The following RANBP2 variants were observed in gnomAD, a reference collection of about 807,000 sequenced individuals.
RANBP2 encodes E3 SUMO-protein ligase RanBP2.
Under a neutral mutation model 303.6 loss-of-function variants are expected in RANBP2, and 57 were observed. The observed-to-expected ratio is 0.19, with a 90% confidence interval of 0.15 to 0.23. RANBP2 has a LOEUF of 0.23. Among genes scored for constraint, RANBP2 ranks in the 10% least tolerant of loss-of-function variants. The probability of loss-of-function intolerance (pLI) is 1.00; values close to 1 mark genes in which losing one functional copy is unlikely to be tolerated. For missense variants in RANBP2, 3,138 were observed against 3,780.8 expected (o/e 0.83, Z 4.46); for synonymous variants, 1,167 against 1,301.5 (o/e 0.90, Z 2.23).
At chr2:108,760,567 A>T (rs1257267173) in intron 18 of RANBP2, among the ~76,000 whole-genome samples, 1 of 152,186 alleles carries the variant, frequency 6.6e-6, no homozygotes, top group East Asian at 1.9e-4. Context: ...CCATTTTCGC[A>T]CTTTGCTAAT....
the RANBP2 span, among the ~76,000 whole-genome samples, chr2:109,244,012 A>G: frequency 6.6e-6 from 1 of 152,224 alleles, no homozygotes; most frequent in Non-Finnish European, 1.5e-5. Context: ...AGTTTTTGCC[A>G]TCAGCAGTGA....
chr2:109,115,539 A>G, the RANBP2 span, among the ~76,000 whole-genome samples: 4 of 151,144 alleles, frequency 2.6e-5, no homozygotes, highest in Admixed American at 6.6e-5. Context: ...CACATGAGAT[A>G]GGTTTCCTGA....
the RANBP2 span, among the ~76,000 whole-genome samples, chr2:109,167,890 A>G: frequency 3.1e-4 from 47 of 152,220 alleles, no homozygotes; most frequent in Admixed American, 2.0e-3. Flanking sequence ...AATTCTCTCC[A>G]CTTGACCGTA....
chr2:109,644,180 GC>G, the RANBP2 span, among the ~76,000 whole-genome samples: 1 of 150,538 alleles, frequency 6.6e-6, no homozygotes, highest in Non-Finnish European at 1.5e-5. Flanking sequence ...GGTGGTGCAC[GC>G]CTGTAGTCCC....
chr2:109,097,298 A>G, the RANBP2 span, among the ~76,000 whole-genome samples: 2 of 146,540 alleles, frequency 1.4e-5, no homozygotes, highest in African/African-American at 5.0e-5. Flanking sequence ...GTGAGACTCC[A>G]TCTCAAAAAC....
the RANBP2 span, among the ~76,000 whole-genome samples, chr2:109,487,912 C>T: frequency 6.6e-6 from 1 of 152,212 alleles, no homozygotes; most frequent in Non-Finnish European, 1.5e-5. Flanking sequence ...AAAACAAACA[C>T]GACCCCTGTA....
the RANBP2 span, among the ~76,000 whole-genome samples, chr2:108,934,050 T>C: frequency 6.6e-6 from 1 of 152,170 alleles, no homozygotes; most frequent in Non-Finnish European, 1.5e-5. Flanking sequence ...CTTCCCTGAA[T>C]AACTGAGAAG....
chr2:109,666,001 C>G, the RANBP2 span, among the ~76,000 whole-genome samples: 1 of 151,934 alleles, frequency 6.6e-6, no homozygotes, highest in South Asian at 2.1e-4. Context: ...ATCCCAGCTA[C>G]TCAGGAGGCT....
intron 1 of RANBP2, among the ~76,000 whole-genome samples, chr2:108,728,159 C>T (rs1249418994): frequency 6.6e-6 from 1 of 152,180 alleles, no homozygotes; most frequent in Non-Finnish European, 1.5e-5. Flanking sequence ...GAATACCTTT[C>T]CTCCCCAAAG....
At chr2:109,613,607 G>T in the RANBP2 span, 41 of 316,276 alleles carry the variant, frequency 1.3e-4, 2 homozygotes, top group South Asian at 4.9e-3. Flanking sequence ...CCGCGCCCAG[G>T]CTCCGCAGAG....
intron 17 of RANBP2, among the ~76,000 whole-genome samples, chr2:108,756,953 C>G (rs1676364554): frequency 6.6e-6 from 1 of 152,148 alleles, no homozygotes; most frequent in Admixed American, 6.5e-5. Flanking sequence ...CTGGACTAGG[C>G]ACTGTAGATG....
chr2:109,357,202 G>T, the RANBP2 span, among the ~76,000 whole-genome samples: 1 of 149,948 alleles, frequency 6.7e-6, no homozygotes, highest in Non-Finnish European at 1.5e-5. Flanking sequence ...TTTTTTTTGA[G>T]ACGGAGTCTT....
chr2:108,771,714 A>G lies in RANBP2; in HGVS notation c.7863A>G (p.Lys2621=), dbSNP rs749384165. The G allele has an allele frequency of 1.7e-5, 28 of 1,613,068 alleles. No homozygotes were observed. In the East Asian group the frequency reaches 5.6e-4, roughly 32 times the overall value. The change falls in exon 21 of 29, where the codon AAA becomes AAG. Residue 2621 remains lysine, a synonymous_variant. Coordinates refer to ENST00000283195, the MANE Select transcript of RANBP2 (RefSeq NM_006267.5). ...FKTPEKAKEK[K]KPEDSPSDDD... is the part of the protein sequence containing the mutation. ...CTGGTGTTACAGCAAAAGAGAAGAA[A>G]AAACCTGAAGATTCTCCCTCAGATG...
At chr2:108,930,619 A>T in the RANBP2 span, among the ~76,000 whole-genome samples, 1 of 152,062 alleles carries the variant, frequency 6.6e-6, no homozygotes, top group African/African-American at 2.4e-5. Flanking sequence ...GTCCAGGAGG[A>T]TGGGGGTAGG....
At chr2:109,092,875 G>C in the RANBP2 span, among the ~76,000 whole-genome samples, 1 of 152,328 alleles carries the variant, frequency 6.6e-6, no homozygotes, top group East Asian at 1.9e-4. Context: ...TTCTGTAATG[G>C]AGAGAGGAGT....
chr2:109,708,729 C>A, the RANBP2 span, among the ~76,000 whole-genome samples: 1 of 152,194 alleles, frequency 6.6e-6, no homozygotes, highest in African/African-American at 2.4e-5. Context: ...GTGATCCCAG[C>A]ACCTTGGGAG....
At chr2:109,570,415 G>GCTCA in the RANBP2 span, among the ~76,000 whole-genome samples, 1 of 151,790 alleles carries the variant, frequency 6.6e-6, no homozygotes, top group African/African-American at 2.4e-5. Flanking sequence ...AACCAACTGA[G>GCTCA]GATCAAAAAT....
chr2:109,661,857 T>A, the RANBP2 span, among the ~76,000 whole-genome samples: 1 of 152,316 alleles, frequency 6.6e-6, no homozygotes, highest in Non-Finnish European at 1.5e-5. Context: ...GGTAATAGTA[T>A]TATCACCCAC....
At chr2:108,739,185 G>T (rs1314202485) in intron 6 of RANBP2, among the ~76,000 whole-genome samples, 1 of 151,846 alleles carries the variant, frequency 6.6e-6, no homozygotes, top group Admixed American at 6.6e-5. Context: ...GGTGGATCAC[G>T]AAGTCAGGAG....
Sources: allele counts gnomAD v4.1 joint callset (sites outside exome capture counted in the v4.1 genomes callset), GRCh38; gene constraint gnomAD v4.1.1; transcripts MANE v1.5; gene names NCBI Gene and HGNC (gene_info 2026-07-23, HGNC 2026-07-21).